The following GLDN variants were observed in gnomAD, a reference collection of about 807,000 sequenced individuals.
The protein encoded by GLDN is collomin.
Under a neutral mutation model 56.5 loss-of-function variants are expected in GLDN, and 47 were observed. The ratio of observed to expected loss-of-function variants is 0.83; its 90% CI spans 0.66 to 1.06. The LOEUF (loss-of-function observed/expected upper bound fraction) is 1.06, where lower values mean the gene tolerates loss of function less well. Ranked by LOEUF, GLDN falls within the 50% of genes least tolerant of loss-of-function variation. GLDN has a pLI of 0.00. For synonymous variants in GLDN, 332 were observed against 278.8 expected (o/e 1.19, Z -1.90); for missense variants, 782 against 714.3 (o/e 1.09, Z -1.08).
chr15:51,397,374 CTTTCT>C (rs1397910957), intron 5 of GLDN, 91 bp from the exon 6 acceptor site: 6 of 194,740 alleles, frequency 3.1e-5, no homozygotes, highest in Admixed American at 6.6e-5. Flanking sequence ...TCCCTCTCTC[CTTTCT>C]CTCTTCTTCT....
At chr15:51,382,134 C>T (rs1350239908) in intron 2 of GLDN, among the ~76,000 whole-genome samples, 1 of 152,172 alleles carries the variant, frequency 6.6e-6, no homozygotes, top group Non-Finnish European at 1.5e-5. Context: ...AATGCCAGAC[C>T]TCATCTGCTG....
Position 51,342,058 on chromosome 15 carries a change from T to A in GLDN, c.363+11T>A. On this transcript the variant is annotated intron_variant, in intron 1 of 9. Coordinates refer to ENST00000335449, the MANE Select transcript of GLDN (RefSeq NM_181789.4). ...TACTCCATGGTGCCGGTAGGCGGGGTCTCTGTTCCCCGTGGCGCCCCGGCC... is the reference window on the plus strand; with the variant it reads ...TACTCCATGGTGCCGGTAGGCGGGGACTCTGTTCCCCGTGGCGCCCCGGCC... 1 of 1,590,104 alleles carries A rather than the reference T, an allele frequency of 6.3e-7. No homozygotes were observed. Among genetic ancestry groups the A allele is most frequent in the Non-Finnish European group, 8.5e-7 (1 of 1,176,398 alleles).
At chr15:51,363,667 G>T (rs2037347213) in intron 1 of GLDN, among the ~76,000 whole-genome samples, 1 of 152,150 alleles carries the variant, frequency 6.6e-6, no homozygotes, top group African/African-American at 2.4e-5. Flanking sequence ...ACCCTAAGAG[G>T]GATATGAATA....
chr15:51,381,034 G>A (rs570373766), intron 2 of GLDN, among the ~76,000 whole-genome samples: 2 of 152,288 alleles, frequency 1.3e-5, no homozygotes, highest in South Asian at 2.1e-4. Context: ...CTGGGTATCT[G>A]CATTTACTAG....
At chr15:51,388,912 G>A (rs1482240720) in intron 4 of GLDN, among the ~76,000 whole-genome samples, 1 of 152,222 alleles carries the variant, frequency 6.6e-6, no homozygotes, top group East Asian at 1.9e-4. Context: ...GAGTCTTCCT[G>A]GGAGGGCTGG....
intron 5 of GLDN, among the ~76,000 whole-genome samples, chr15:51,396,592 A>G (rs2038133957): frequency 6.6e-6 from 1 of 152,252 alleles, no homozygotes; most frequent in Non-Finnish European, 1.5e-5. Flanking sequence ...CTATATAGTC[A>G]GTAAAGATTT....
chr15:51,394,928 A>T lies in GLDN; in HGVS notation c.635A>T (p.Gln212Leu). ...CAGGGAAATGAGGGCCCACCAGGGC[A>T]GAAGGGAGAAAAGGGTGACAAAGGA... is the stretch of plus-strand genomic sequence containing the variant. ...GLQGNEGPPG[Q>L]KGEKGDKGDV... Residue 212 changes from glutamine (Q) to leucine (L), a missense_variant, in exon 5 of 10, where the codon CAG (glutamine) becomes CTG (leucine). Coordinates refer to ENST00000335449, the MANE Select transcript of GLDN (RefSeq NM_181789.4). The T allele has an allele frequency of 6.2e-7, 1 of 1,612,176 alleles. No individual in the cohort carries two copies. The highest frequency in any genetic ancestry group is 8.5e-7 in the Non-Finnish European group (1 of 1,179,178).
intron 3 of GLDN, 60 bp downstream of exon 3, chr15:51,383,513 C>G: frequency 6.3e-7 from 1 of 1,592,018 alleles, no homozygotes; most frequent in Non-Finnish European, 8.6e-7. Context: ...ACCCTAGGAT[C>G]TCCCTGTTGG....
At chr15:51,412,940 T>C (rs935310645), downstream of GLDN, among the ~76,000 whole-genome samples, 1 of 152,104 alleles carries the variant, frequency 6.6e-6, no homozygotes, top group African/African-American at 2.4e-5. Flanking sequence ...GTTTGAAGAC[T>C]CTCGGTCTGG....
chr15:51,402,259 G>A (rs940849123), intron 9 of GLDN, among the ~76,000 whole-genome samples: 1 of 152,242 alleles, frequency 6.6e-6, no homozygotes, highest in African/African-American at 2.4e-5. Flanking sequence ...CCATAGGGAA[G>A]GGAGGAGGGT....
chr15:51,386,612 G>A (rs777453888), intron 4 of GLDN, among the ~76,000 whole-genome samples: 1 of 152,344 alleles, frequency 6.6e-6, no homozygotes, highest in South Asian at 2.1e-4. Context: ...TGCTGCTGTG[G>A]CTGCTGCATG....
chr15:51,377,748 G>GA (rs2037666280), intron 2 of GLDN, among the ~76,000 whole-genome samples: 2 of 152,138 alleles, frequency 1.3e-5, no homozygotes, highest in East Asian at 3.8e-4. Context: ...GTGGTACCTT[G>GA]AACCAGAGCC....
rs747969112 is a variant in GLDN, at chr15:51,341,912, G to C, written c.228G>C (p.Pro76=). 1 of 1,593,394 alleles carries C rather than the reference G, an allele frequency of 6.3e-7. No individual in the cohort carries two copies. Among genetic ancestry groups the C allele is most frequent in the South Asian group, 1.1e-5 (1 of 90,794 alleles). ...TCCTGGCCGAGTTGAGCCGCGCGCC[G>C]CGCGGGGCGTCCGCACCACCCCAAG... ...RSFLAELSRA[P]RGASAPPQDP... Residue 76 remains proline (P), a synonymous_variant, in exon 1 of 10, where the codon CCG becomes CCC. Transcript: ENST00000335449.
chr15:51,368,430 G>A (rs28538162), intron 1 of GLDN, among the ~76,000 whole-genome samples: 8,846 of 151,922 alleles, frequency 0.058, 878 homozygotes, highest in African/African-American at 0.21. Flanking sequence ...AGGATGAACT[G>A]ATAGAACACT....
Position 51,397,392 on chromosome 15 carries a change from C to G in GLDN, c.689-78C>G, listed in dbSNP as rs568180379. On this transcript the variant is annotated intron_variant, in intron 5 of 9. Coordinates refer to ENST00000335449, the MANE Select transcript of GLDN (RefSeq NM_181789.4). ...CTCTCTCCTTTCTCTCTTCTTCTCTCCCCTTCTCTGTCCCTCTCTCCCCTT... is the reference window on the plus strand; with the variant it reads ...CTCTCTCCTTTCTCTCTTCTTCTCTGCCCTTCTCTGTCCCTCTCTCCCCTT... 18 of 365,206 alleles carry G rather than the reference C, an allele frequency of 4.9e-5. No individual in the cohort carries two copies. The South Asian group carries it at 2.3e-3, about 46-fold the overall frequency. 22.6% of individuals were successfully genotyped at this position (365,206 alleles called of 1,614,324 possible).
downstream of GLDN, among the ~76,000 whole-genome samples, chr15:51,408,993 C>T (rs1052332128): frequency 2.7e-4 from 41 of 150,606 alleles, no homozygotes; most frequent in African/African-American, 8.0e-4. Flanking sequence ...AATAAACATA[C>T]GTGTGCTTAT....
rs995205668 is a variant in GLDN at position 51,405,433 on chromosome 15, T to TAG, written c.*688_*689dup. 1.3e-5 allele frequency: 2 copies of TAG among 149,170 alleles called. No homozygotes were observed. The highest frequency in any genetic ancestry group is 6.8e-5 in the Admixed American group (1 of 14,752). The allele number at this position is 149,170 out of a possible 1,614,324, so 9.2% of individuals were successfully genotyped here. ...ATTTTTTTTCTTTTCTTATTTTAAA[T>TAG]AGAGAGAGAGTCTTGCTATGTTTCC... On this transcript the variant is annotated 3_prime_UTR_variant, in exon 10 of 10. Transcript: ENST00000335449.
At chr15:51,354,496 T>G (rs1408187604) in intron 1 of GLDN, among the ~76,000 whole-genome samples, 1 of 152,038 alleles carries the variant, frequency 6.6e-6, no homozygotes, top group African/African-American at 2.4e-5. Context: ...AGAGAGAAAA[T>G]AAGTCCTCAC....
intron 5 of GLDN, among the ~76,000 whole-genome samples, chr15:51,396,892 C>T (rs143134852): frequency 1.1e-3 from 163 of 152,228 alleles, no homozygotes; most frequent in African/African-American, 3.7e-3. Context: ...TAATTTAAGA[C>T]GTGTTTTGAC....
Sources: allele counts gnomAD v4.1 joint callset (sites outside exome capture counted in the v4.1 genomes callset), GRCh38; gene constraint gnomAD v4.1.1; transcripts MANE v1.5; gene names NCBI Gene and HGNC (gene_info 2026-07-23, HGNC 2026-07-21).